Variants in VAX2 observed in about 807,000 individuals in gnomAD.
VAX2 encodes ventral anterior homeobox 2.
In VAX2, 8 loss-of-function variants were observed where a neutral mutation model predicts 12.5. The observed-to-expected ratio is 0.64, with a 90% confidence interval of 0.37 to 1.15. The LOEUF is 1.15. Ranked by LOEUF, VAX2 falls within the 50% of genes most tolerant of loss-of-function variation. The pLI, the probability that VAX2 is intolerant of heterozygous loss-of-function variation, is 0.01. For missense variants in VAX2, 476 were observed against 412.9 expected, an observed-to-expected ratio of 1.15 and a Z score of -1.32; for synonymous variants, 183 against 187.6, an observed-to-expected ratio of 0.98 and a Z score of 0.20.
chr2:70,908,689 A>G (rs1351903494), intron 1 of VAX2, among the ~76,000 whole-genome samples: 2 of 152,252 alleles, frequency 1.3e-5, no homozygotes, highest in Admixed American at 1.3e-4. Flanking sequence ...AAAGTGAATT[A>G]CTGGGTCAAA....
intron 1 of VAX2, among the ~76,000 whole-genome samples, chr2:70,902,034 TGG>T (rs1678945807): frequency 6.6e-6 from 1 of 152,206 alleles, no homozygotes; most frequent in Non-Finnish European, 1.5e-5. Flanking sequence ...GGCCTCCGCC[TGG>T]GGAAGGCGAA....
At chr2:70,927,439 C>G (rs1226587178) in intron 2 of VAX2, among the ~76,000 whole-genome samples, 2 of 151,484 alleles carry the variant, frequency 1.3e-5, no homozygotes, top group African/African-American at 4.9e-5. Flanking sequence ...CTTGATGCCT[C>G]TGCCTCAGAT....
At chr2:70,924,946 G>T (rs1679536491) in intron 2 of VAX2, among the ~76,000 whole-genome samples, 1 of 152,172 alleles carries the variant, frequency 6.6e-6, no homozygotes, top group African/African-American at 2.4e-5. Context: ...TTCAGGGAAG[G>T]CCTCTTTGAG....
chr2:70,906,519 C>CTT (rs1558653474), intron 1 of VAX2, among the ~76,000 whole-genome samples: 3 of 67,546 alleles, frequency 4.4e-5, no homozygotes, highest in African/African-American at 2.3e-4. Context: ...CTTTTCTTTT[C>CTT]CTTTTTTTTT....
intron 1 of VAX2, among the ~76,000 whole-genome samples, chr2:70,911,470 C>A (rs2104765207): frequency 6.6e-6 from 1 of 152,266 alleles, no homozygotes; most frequent in East Asian, 1.9e-4. Context: ...TATAAAAATG[C>A]TGGGACAAAG....
At chr2:70,921,715 C>T (rs1679462652) in intron 2 of VAX2, among the ~76,000 whole-genome samples, 1 of 152,208 alleles carries the variant, frequency 6.6e-6, no homozygotes, top group South Asian at 2.1e-4. Flanking sequence ...TTCTCCATTT[C>T]TGGCCCTTTC....
At position 70,900,610 on chromosome 2, in the gene VAX2, G is replaced by A; in HGVS notation, c.-12G>A. ...TGGCTCCGCCGTAGAGGGGTTGGCA[G>A]TGGCGGTCAGCATGGGCGATGGGGG... On this transcript the variant is annotated 5_prime_UTR_variant, in exon 1 of 3. In the 5' UTR this introduces an upstream ATG that the reference lacks. Coordinates refer to ENST00000234392, the MANE Select transcript of VAX2 (RefSeq NM_012476.3). The A allele has an allele frequency of 3.2e-6, 4 of 1,259,462 alleles. No individual in the cohort carries two copies. Among genetic ancestry groups the A allele is most frequent in the Non-Finnish European group, 4.0e-6 (4 of 1,002,482 alleles). 78.0% of individuals were successfully genotyped at this position (1,259,462 alleles called of 1,614,324 possible).
chr2:70,906,297 G>A (rs1679057527), intron 1 of VAX2, among the ~76,000 whole-genome samples: 1 of 152,096 alleles, frequency 6.6e-6, no homozygotes, highest in African/African-American at 2.4e-5. Flanking sequence ...ATGCTGACTG[G>A]GGACATTCAG....
At chr2:70,905,462 C>T (rs1184761502) in intron 1 of VAX2, among the ~76,000 whole-genome samples, 3 of 151,394 alleles carry the variant, frequency 2.0e-5, no homozygotes, top group African/African-American at 7.3e-5. Flanking sequence ...CTTTTGTTTC[C>T]CCCCCTTCCA....
chr2:70,912,270 C>T (rs1679202470), intron 1 of VAX2, among the ~76,000 whole-genome samples: 1 of 152,106 alleles, frequency 6.6e-6, no homozygotes, highest in Non-Finnish European at 1.5e-5. Context: ...TTTCAATGTT[C>T]CCAATAAACT....
At chr2:70,909,275 C>A (rs1679131265) in intron 1 of VAX2, among the ~76,000 whole-genome samples, 1 of 152,120 alleles carries the variant, frequency 6.6e-6, no homozygotes, top group Admixed American at 6.5e-5. Context: ...AAGCAGTCCC[C>A]CCACCTCAGC....
At chr2:70,920,272 G>C (rs1553412616) in intron 1 of VAX2, among the ~76,000 whole-genome samples, 1 of 152,064 alleles carries the variant, frequency 6.6e-6, no homozygotes, top group Non-Finnish European at 1.5e-5. Flanking sequence ...AGTATATGTG[G>C]GTCACACATG....
intron 1 of VAX2, among the ~76,000 whole-genome samples, chr2:70,917,572 T>C (rs782167404): frequency 1.4e-4 from 21 of 152,202 alleles, no homozygotes; most frequent in Non-Finnish European, 2.2e-4. Flanking sequence ...GTGTTTCTTA[T>C]TGCAGCTTTA....
intron 2 of VAX2, among the ~76,000 whole-genome samples, chr2:70,931,895 C>T (rs541822877): frequency 6.6e-6 from 1 of 152,362 alleles, no homozygotes; most frequent in African/African-American, 2.4e-5. Flanking sequence ...TGCCCCAGCC[C>T]TCTAGATGTT....
chr2:70,901,468 G>A (rs1385551610), intron 1 of VAX2, among the ~76,000 whole-genome samples: 3 of 152,256 alleles, frequency 2.0e-5, no homozygotes, highest in African/African-American at 7.2e-5. Flanking sequence ...CGCGGCGCCT[G>A]GGCCCAGCCG....
chr2:70,928,661 T>G (rs958425136), intron 2 of VAX2, among the ~76,000 whole-genome samples: 1 of 152,156 alleles, frequency 6.6e-6, no homozygotes, highest in Non-Finnish European at 1.5e-5. Context: ...CACACCCCAT[T>G]ACTGCCACTC....
In VAX2 at chr2:70,931,916, C is replaced by T. The variant is rs142875541; in HGVS notation, c.436-851C>T. On this transcript the variant is annotated intron_variant, in intron 2 of 2. Transcript: ENST00000234392. ...AGCCCTCTAGATGTTACAGTTTAGACCTGGGGCAGAGACACCTTTAAAACA... is the reference window on the plus strand; with the variant it reads ...AGCCCTCTAGATGTTACAGTTTAGATCTGGGGCAGAGACACCTTTAAAACA... Among the ~76,000 whole-genome samples, 432 of 152,356 alleles carry T rather than the reference C, an allele frequency of 2.8e-3. 2 individuals are homozygous for T. Among genetic ancestry groups the T allele is most frequent in the African/African-American group, 9.8e-3 (409 of 41,586 alleles).
Position 70,921,169 on chromosome 2 carries a change from A to T in VAX2, c.319A>T (p.Thr107Ser). The T allele has an allele frequency of 6.2e-7, 1 of 1,613,682 alleles. No individual in the cohort carries two copies. Among genetic ancestry groups the T allele is most frequent in the East Asian group, 2.2e-5 (1 of 44,850 alleles). ...CCTGGACCGGCCCAAGCGGACACGTACATCCTTCACTGCCGAGCAGCTGTA... is the reference window on the plus strand; with the variant it reads ...CCTGGACCGGCCCAAGCGGACACGTTCATCCTTCACTGCCGAGCAGCTGTA... ...LDLDRPKRTR[T>S]SFTAEQLYRL... The change falls in exon 2 of 3, where the codon ACA becomes TCA. Residue 107 changes from threonine to serine, a missense_variant. By Grantham distance (58) the Thr-to-Ser change is moderately conservative. Coordinates refer to ENST00000234392, the MANE Select transcript of VAX2 (RefSeq NM_012476.3).
At chr2:70,905,429 C>T (rs1394418363) in intron 1 of VAX2, among the ~76,000 whole-genome samples, 1 of 152,100 alleles carries the variant, frequency 6.6e-6, no homozygotes, top group Non-Finnish European at 1.5e-5. Context: ...TATTCCTATG[C>T]CGGGCCCTCT....
Sources: gnomAD v4.1 joint callset for allele counts (sites outside exome capture counted in the v4.1 genomes callset) on GRCh38, gnomAD v4.1.1 for gene constraint, MANE v1.5 for transcripts, NCBI Gene and HGNC (gene_info 2026-07-23, HGNC 2026-07-21) for gene names.